THAP8: variants seen among roughly 807,000 people sequenced by gnomAD.
THAP8 encodes THAP domain-containing protein 8.
THAP8 carries 24 observed loss-of-function variants against 25.0 expected under a neutral mutation model. The ratio of observed to expected loss-of-function variants is 0.96; its 90% CI spans 0.69 to 1.35. The LOEUF is 1.35. THAP8 is among the 40% of genes most tolerant of loss of function. The pLI is 0.00. For missense variants in THAP8, 399 were observed against 368.8 expected (o/e 1.08, Z -0.67); for synonymous variants, 169 against 157.6 (o/e 1.07, Z -0.54).
At chr19:36,036,295 A>ATTTTTTTTTTT (rs1245858015) in intron 3 of THAP8, among the ~76,000 whole-genome samples, 1 of 46,824 alleles carries the variant, frequency 2.1e-5, no homozygotes, top group African/African-American at 1.3e-4. Flanking sequence ...TTTTTTTTTG[A>ATTTTTTTTTTT]GACAGAGTCT....
At position 36,054,256 on chromosome 19, in the gene THAP8, C is replaced by A; in HGVS notation, c.-39G>T. 2 of 1,600,794 alleles carry A rather than the reference C, an allele frequency of 1.2e-6. No homozygotes were observed. Among genetic ancestry groups the A allele is most frequent in the Non-Finnish European group, 1.7e-6 (2 of 1,173,534 alleles). On this transcript the variant is annotated 5_prime_UTR_variant, in exon 1 of 4. Coordinates refer to ENST00000292894, the MANE Select transcript of THAP8 (RefSeq NM_152658.3). ...CCGCTGAGTTTTGCCGGGTCAGCGG[C>A]TGCACTTTGGTTCTCGCGGAGCGCC...
At chr19:36,051,681 C>T (rs1322971151) in intron 1 of THAP8, among the ~76,000 whole-genome samples, 1 of 152,092 alleles carries the variant, frequency 6.6e-6, no homozygotes, top group Non-Finnish European at 1.5e-5. Context: ...AGGCTAAGAC[C>T]ACCAGGGACA....
intron 1 of THAP8, among the ~76,000 whole-genome samples, chr19:36,051,866 G>A (rs1042498377): frequency 7.2e-5 from 11 of 152,106 alleles, no homozygotes; most frequent in Admixed American, 5.9e-4. Flanking sequence ...GTGAGCGAGT[G>A]AGAGAAGCTT....
intron 1 of THAP8, among the ~76,000 whole-genome samples, chr19:36,043,162 A>T (rs1969757630): frequency 6.6e-6 from 1 of 152,192 alleles, no homozygotes; most frequent in Admixed American, 6.5e-5. Context: ...TCCTGACCTC[A>T]GGTGATCCAC....
chr19:36,054,301 G>C (rs937372953), upstream of THAP8: 69 of 1,481,680 alleles, frequency 4.7e-5, no homozygotes, highest in Non-Finnish European at 5.9e-5. Flanking sequence ...CGCCCCACCC[G>C]CGCTCGCCGC....
In THAP8 at chr19:36,035,272, C is replaced by T. The variant is rs1969389250; in HGVS notation, c.*168G>A. 4.7e-6 allele frequency: 4 copies of T among 851,616 alleles called. No individual in the cohort carries two copies. The highest frequency in any genetic ancestry group is 6.9e-6 in the Non-Finnish European group (4 of 577,090). The allele number at this position is 851,616 out of a possible 1,614,324, so 52.8% of individuals were successfully genotyped here. The stretch of plus-strand genomic sequence containing the variant: ...TGATGAGAGACTTGGGCCCAGGTCA[C>T]CCCTAAGGTTCAAGAGATCCCTAGG... On this transcript the variant is annotated 3_prime_UTR_variant, in exon 4 of 4. Transcript: ENST00000292894.
chr19:36,042,994 T>C (rs969688919), intron 1 of THAP8, among the ~76,000 whole-genome samples: 2 of 151,432 alleles, frequency 1.3e-5, no homozygotes, highest in African/African-American at 4.9e-5. Context: ...AGTGGTGTGA[T>C]CTCGGCTCAC....
At chr19:36,039,798 A>C (rs1191991378) in intron 2 of THAP8, 80 bp from the exon 3 acceptor site, 1 of 1,502,826 alleles carries the variant, frequency 6.7e-7, no homozygotes, top group Non-Finnish European at 8.9e-7. Context: ...GTCTGTTTCC[A>C]AGGGGGACTT....
At chr19:36,048,841 TAAAAAA>T (rs1204599378) in intron 1 of THAP8, among the ~76,000 whole-genome samples, 3 of 83,896 alleles carry the variant, frequency 3.6e-5, no homozygotes, top group African/African-American at 1.7e-4. Context: ...ACCCCTTCTT[TAAAAAA>T]AAAAAAAAAC....
chr19:36,054,344 C>T, upstream of THAP8: 2 of 1,171,394 alleles, frequency 1.7e-6, no homozygotes, highest in Non-Finnish European at 2.4e-6. Flanking sequence ...AGTCTCGTCA[C>T]GTACCGGGGA....
chr19:36,050,671 A>C (rs1192217781), intron 1 of THAP8, among the ~76,000 whole-genome samples: 3 of 152,208 alleles, frequency 2.0e-5, no homozygotes, highest in Middle Eastern at 3.2e-3. Context: ...TCACCTATCC[A>C]TGAGCTCTGT....
At position 36,054,219 on chromosome 19, in the gene THAP8, G is replaced by C. The variant is rs535844347; in HGVS notation, c.-2C>G. 6 of 1,613,036 alleles carry C rather than the reference G, an allele frequency of 3.7e-6. No homozygotes were observed. The African/African-American group carries it at 8.0e-5, about 22-fold the overall frequency. ...CGGCGCCCTGCAGTACTTGGGCATG[G>C]CTATCCAGCCCCCGCTGAGTTTTGC... On this transcript the variant is annotated 5_prime_UTR_variant, in exon 1 of 4. Coordinates refer to ENST00000292894, the MANE Select transcript of THAP8 (RefSeq NM_152658.3).
chr19:36,045,748 G>A (rs772371626), intron 1 of THAP8: 11 of 456,620 alleles, frequency 2.4e-5, no homozygotes, highest in South Asian at 1.4e-4. Context: ...GGCAGAGACT[G>A]GAGAGATGTG....
In THAP8 at chr19:36,054,282, G is replaced by A; in HGVS notation, c.-65C>T. ...TGCACTTTGGTTCTCGCGGAGCGCC[G>A]CCTAACCCCGCCCCACCCGCGCTCG... On this transcript the variant is annotated 5_prime_UTR_variant, in exon 1 of 4. Transcript: ENST00000292894. 2 of 1,534,162 alleles carry A rather than the reference G, an allele frequency of 1.3e-6. No homozygotes were observed. The highest frequency in any genetic ancestry group is 1.4e-5 in the African/African-American group (1 of 73,078).
rs374686785 is a variant in THAP8 at position 36,039,612 on chromosome 19, A to C, written c.383T>G (p.Val128Gly). The C allele has an allele frequency of 3.5e-5, 53 of 1,509,876 alleles. No individual in the cohort carries two copies. In the African/African-American group the frequency reaches 6.8e-4, roughly 19 times the overall value. The allele number at this position is 1,509,876 out of a possible 1,614,324, so 93.5% of individuals were successfully genotyped here. A position where few individuals can be genotyped will look rare whatever the true frequency, so the allele number is the denominator to read the frequency against. ...QSPAIPVSGPVRLVVLGPTSG... is the reference protein window; with the variant it reads ...QSPAIPVSGPGRLVVLGPTSG... ...TGTGGGGCCCAGCACCACTAGGCGC[A>C]CTGGGCCAGAGACTGGGATGGCAGG... The change falls in exon 3 of 4, where the codon GTG (valine) becomes GGG (glycine). Residue 128 changes from valine (V) to glycine (G), a missense_variant. Transcript: ENST00000292894.
rs567624146 is a variant in THAP8 at position 36,042,836 on chromosome 19, G to A, written c.84-2700C>T. Among the ~76,000 whole-genome samples the A allele has an allele frequency of 5.9e-5, 9 of 152,162 alleles. No individual in the cohort carries two copies. In the South Asian group the frequency reaches 6.2e-4, roughly 11 times the overall value. ...GGCTGGAGTGCCATGGCGCAATCTCGGCACACTGCAATCTCTGCCTCCTGG... is the reference window on the plus strand; with the variant it reads ...GGCTGGAGTGCCATGGCGCAATCTCAGCACACTGCAATCTCTGCCTCCTGG... On this transcript the variant is annotated intron_variant, in intron 1 of 3. Transcript: ENST00000292894.
chr19:36,050,924 C>T (rs1206010443), intron 1 of THAP8, among the ~76,000 whole-genome samples: 1 of 152,132 alleles, frequency 6.6e-6, no homozygotes, highest in African/African-American at 2.4e-5. Flanking sequence ...TTACTAAGAA[C>T]CTACTATGTG....
chr19:36,039,241 G>A, intron 3 of THAP8, 82 bp downstream of exon 3: 1 of 1,381,684 alleles, frequency 7.2e-7, no homozygotes, highest in East Asian at 2.9e-5. Flanking sequence ...TTTTTGAATA[G>A]GGGATCCTAG....
intron 1 of THAP8, chr19:36,045,800 C>T (rs150341824): frequency 2.8e-4 from 130 of 456,664 alleles, no homozygotes; most frequent in African/African-American, 2.2e-3. Context: ...GGAACCGGAA[C>T]AGGCAAAGAA....
Sources: allele counts gnomAD v4.1 joint callset (sites outside exome capture counted in the v4.1 genomes callset), GRCh38; gene constraint gnomAD v4.1.1; transcripts MANE v1.5; gene names NCBI Gene and HGNC (gene_info 2026-07-23, HGNC 2026-07-21).